SOS2: variants seen among roughly 807,000 people sequenced by gnomAD.
SOS2 encodes son of sevenless homolog 2.
In SOS2, 65 loss-of-function variants were observed where a neutral mutation model predicts 148.2. That is an observed-to-expected ratio of 0.44 (90% confidence interval 0.36 to 0.54). The LOEUF (loss-of-function observed/expected upper bound fraction) is 0.54. SOS2 is among the 20% of genes least tolerant of loss of function. The pLI is 0.00. For synonymous variants in SOS2, 539 were observed against 537.1 expected (o/e 1.00, Z -0.05); for missense variants, 1,341 against 1,590.2 (o/e 0.84, Z 2.67).
chr14:50,190,711 C>T (rs1262215507), intron 4 of SOS2, among the ~76,000 whole-genome samples: 2 of 152,196 alleles, frequency 1.3e-5, no homozygotes, highest in African/African-American at 4.8e-5. Flanking sequence ...AAAGGCCATT[C>T]ATAATTTAAC....
intron 8 of SOS2, among the ~76,000 whole-genome samples, chr14:50,167,546 G>T (rs1050117865): frequency 6.8e-6 from 1 of 147,970 alleles, no homozygotes; most frequent in Non-Finnish European, 1.5e-5. Flanking sequence ...AAAAAAACAG[G>T]AATGATAACA....
intron 1 of SOS2, among the ~76,000 whole-genome samples, chr14:50,222,541 T>G (rs1887230398): frequency 6.6e-6 from 1 of 151,902 alleles, no homozygotes. Context: ...TAAGAGAAAA[T>G]CTCTCCAAGA....
rs111928999 is a variant in SOS2 at position 50,177,125 on chromosome 14, C to A, written c.970-2573G>T. ...GGTGCCTCATGGTCAACAGAACAGC[C>A]TAGCCAATATGGTGAAACTCTGTCT... On this transcript the variant is annotated intron_variant, in intron 7 of 22. Coordinates refer to ENST00000216373, the MANE Select transcript of SOS2 (RefSeq NM_006939.4). Among the ~76,000 whole-genome samples, 1,384 of 152,150 alleles carry A rather than the reference C, an allele frequency of 9.1e-3. 19 individuals are homozygous for A. The highest frequency in any genetic ancestry group is 0.032 in the African/African-American group (1,319 of 41,492).
intron 1 of SOS2, among the ~76,000 whole-genome samples, chr14:50,219,145 T>G (rs1887126542): frequency 6.6e-6 from 1 of 152,012 alleles, no homozygotes; most frequent in African/African-American, 2.4e-5. Flanking sequence ...CCACCTACTA[T>G]CCGATCCAAC....
At chr14:50,120,736 CTTTTTTTTTT>C (rs34012845) in intron 21 of SOS2, among the ~76,000 whole-genome samples, 1 of 107,500 alleles carries the variant, frequency 9.3e-6, no homozygotes, top group Non-Finnish European at 1.7e-5. Context: ...AATCAGAGAC[CTTTTTTTTTT>C]TTTTTTTTTT....
At chr14:50,148,980 C>T (rs754346064) in intron 14 of SOS2, among the ~76,000 whole-genome samples, 3 of 152,142 alleles carry the variant, frequency 2.0e-5, no homozygotes, top group African/African-American at 7.2e-5. Context: ...ACTGCAGCCT[C>T]GACCTTAAGT....
intron 21 of SOS2, among the ~76,000 whole-genome samples, chr14:50,126,704 A>C (rs1428358975): frequency 6.6e-6 from 1 of 152,106 alleles, no homozygotes; most frequent in Non-Finnish European, 1.5e-5. Context: ...CAGAACAAGA[A>C]GACAAAGAGA....
At chr14:50,155,738 C>T (rs994890181) in intron 12 of SOS2, among the ~76,000 whole-genome samples, 1 of 152,074 alleles carries the variant, frequency 6.6e-6, no homozygotes, top group Non-Finnish European at 1.5e-5. Context: ...ACTGAGAACA[C>T]AGCAAATGCT....
In SOS2 at chr14:50,231,559, G is replaced by T; in HGVS notation, c.-276C>A. Reference sequence around the variant, plus strand: ...ACCCCGGGCGGCGACCTCCTTTCCCGGCGGCGCTGGCCCGCTTCTGGGGCG... The same window carrying T: ...ACCCCGGGCGGCGACCTCCTTTCCCTGCGGCGCTGGCCCGCTTCTGGGGCG... On this transcript the variant is annotated 5_prime_UTR_variant, in exon 1 of 23. Coordinates refer to ENST00000216373, the MANE Select transcript of SOS2 (RefSeq NM_006939.4). The T allele has an allele frequency of 6.6e-6, 1 of 152,308 alleles. No homozygotes were observed. Among genetic ancestry groups the T allele is most frequent in the South Asian group, 1.9e-4 (1 of 5,292 alleles). 9.4% of individuals were successfully genotyped at this position (152,308 alleles called of 1,614,324 possible). A position where few individuals can be genotyped will look rare whatever the true frequency, so the allele number is the denominator to read the frequency against.
rs56043962 is a variant in SOS2, at chr14:50,135,642, CTTTTTTTTTTTT to C, written c.2959-1415_2959-1404del. ...AATTAACTTTTTTCAATGTGGTTTG[CTTTTTTTTTTTT>C]TTTTTTTTTTGAGATGGAGTCTCAC... On this transcript the variant is annotated intron_variant, in intron 18 of 22. Transcript: ENST00000216373. 3.6e-5 allele frequency among the ~76,000 whole-genome samples: 3 copies of C among 82,566 alleles called. No individual in the cohort carries two copies. In the East Asian group the frequency reaches 1.1e-3, roughly 30 times the overall value. The allele number at this position is 82,566 out of a possible 152,430, so 54.2% of individuals were successfully genotyped here.
intron 16 of SOS2, among the ~76,000 whole-genome samples, chr14:50,140,727 T>C (rs554248500): frequency 6.6e-6 from 1 of 151,874 alleles, no homozygotes; most frequent in South Asian, 2.1e-4. Context: ...AATAAAGAGC[T>C]AGAGATTGGA....
intron 1 of SOS2, among the ~76,000 whole-genome samples, chr14:50,217,332 G>C (rs1191203269): frequency 3.3e-5 from 5 of 151,892 alleles, no homozygotes; most frequent in Non-Finnish European, 7.4e-5. Context: ...CATAAGACAA[G>C]GTGAGATTTT....
intron 16 of SOS2, among the ~76,000 whole-genome samples, chr14:50,144,378 A>G (rs184593206): frequency 3.9e-5 from 6 of 152,130 alleles, no homozygotes; most frequent in Admixed American, 2.0e-4. Flanking sequence ...CCTATTTTCT[A>G]TATCTCCTGA....
chr14:50,204,892 T>C (rs1886609764), intron 1 of SOS2, among the ~76,000 whole-genome samples: 2 of 35,476 alleles, frequency 5.6e-5, no homozygotes, highest in African/African-American at 2.4e-4. Flanking sequence ...CTTTTTTTCT[T>C]TTTTTTTCTT....
At chr14:50,140,781 C>T (rs1258234308) in intron 16 of SOS2, among the ~76,000 whole-genome samples, 2 of 152,024 alleles carry the variant, frequency 1.3e-5, no homozygotes, top group South Asian at 4.2e-4. Context: ...TATGACTGCC[C>T]ATGAGGAAAC....
intron 8 of SOS2, among the ~76,000 whole-genome samples, chr14:50,162,493 T>A (rs548672584): frequency 3.3e-4 from 51 of 152,322 alleles, no homozygotes; most frequent in Non-Finnish European, 5.7e-4. Flanking sequence ...TACAACTTAC[T>A]TTTATTCATT....
chr14:50,123,573 G>C (rs2139485659), intron 21 of SOS2, among the ~76,000 whole-genome samples: 1 of 152,122 alleles, frequency 6.6e-6, no homozygotes, highest in East Asian at 1.9e-4. Context: ...AGTAGAGACG[G>C]GGTTTCACCA....
chr14:50,173,967 A>T (rs906146932), intron 8 of SOS2, among the ~76,000 whole-genome samples: 12 of 147,002 alleles, frequency 8.2e-5, no homozygotes, highest in Admixed American at 3.3e-4. Context: ...CATATAATTT[A>T]AAAAAAATTT....
chr14:50,205,021 C>G (rs966082931), intron 1 of SOS2, among the ~76,000 whole-genome samples: 2 of 149,246 alleles, frequency 1.3e-5, no homozygotes, highest in Non-Finnish European at 3.0e-5. Flanking sequence ...AATAATAGTA[C>G]CTAGCATACA....
Sources: allele counts gnomAD v4.1 joint callset (sites outside exome capture counted in the v4.1 genomes callset), GRCh38; gene constraint gnomAD v4.1.1; transcripts MANE v1.5; gene names NCBI Gene and HGNC (gene_info 2026-07-23, HGNC 2026-07-21).